DPP6: variants seen among roughly 807,000 people sequenced by gnomAD.
DPP6 encodes A-type potassium channel modulatory protein DPP6.
Under a neutral mutation model 122.6 loss-of-function variants are expected in DPP6, and 69 were observed. The observed-to-expected ratio is 0.56, with a 90% CI of 0.46 to 0.69. The LOEUF (loss-of-function observed/expected upper bound fraction) is 0.69, where lower values mean the gene tolerates loss of function less well. Among genes scored for constraint, DPP6 ranks in the 30% least tolerant of loss-of-function variants. The pLI is 0.00. For missense variants in DPP6, 928 were observed against 1,116.9 expected (o/e 0.83, Z 2.41); for synonymous variants, 418 against 433.1 (o/e 0.97, Z 0.43).
chr7:154,445,250 C>A (rs7782647), intron 1 of DPP6, among the ~76,000 whole-genome samples: 2 of 152,024 alleles, frequency 1.3e-5, no homozygotes, highest in Non-Finnish European at 2.9e-5. Flanking sequence ...CCAGACTATA[C>A]ATGGACAGAA....
chr7:153,760,223 C>T, the DPP6 span, among the ~76,000 whole-genome samples: 6 of 152,148 alleles, frequency 3.9e-5, no homozygotes, highest in East Asian at 3.9e-4. Context: ...TTTTGTTGTG[C>T]GCAGTATCCA....
chr7:153,808,952 AT>A, the DPP6 span, among the ~76,000 whole-genome samples: 1 of 151,896 alleles, frequency 6.6e-6, no homozygotes, highest in South Asian at 2.1e-4. Context: ...TTTGATTTTT[AT>A]TTTTTTGTGG....
chr7:153,944,662 G>A (rs1378559335), intron 1 of DPP6, among the ~76,000 whole-genome samples: 213 of 79,098 alleles, frequency 2.7e-3, no homozygotes, highest in African/African-American at 0.01. Context: ...ATTTTTGTGT[G>A]GGTTTTTTTT....
At chr7:153,885,677 C>T (rs775780802), upstream of DPP6, among the ~76,000 whole-genome samples, 1 of 152,150 alleles carries the variant, frequency 6.6e-6, no homozygotes, top group African/African-American at 2.4e-5. Context: ...CAAATCCCAA[C>T]AGAGAAGAGT....
At chr7:154,199,395 T>C (rs780839723) in intron 1 of DPP6, among the ~76,000 whole-genome samples, 4 of 152,202 alleles carry the variant, frequency 2.6e-5, no homozygotes, top group African/African-American at 9.6e-5. Flanking sequence ...GTTTCCACTA[T>C]TCCCTAGTAA....
intron 8 of DPP6, among the ~76,000 whole-genome samples, chr7:154,752,796 G>C (rs1367342485): frequency 6.6e-6 from 1 of 152,210 alleles, no homozygotes; most frequent in Non-Finnish European, 1.5e-5. Flanking sequence ...AAGGTTCTGG[G>C]GGTGAGCTGC....
chr7:154,502,109 A>T (rs1323420647), intron 3 of DPP6, among the ~76,000 whole-genome samples: 4 of 152,082 alleles, frequency 2.6e-5, no homozygotes, highest in African/African-American at 9.7e-5. Context: ...CCAATTTCTC[A>T]CATTTGGAAT....
chr7:154,892,669 C>T lies in DPP6; in HGVS notation c.*189C>T, dbSNP rs779340223. ...GCTCCTTCCCCGGGGTCATCACTCA[C>T]GGCCTCCATGGCACCAGGGACAACG... On this transcript the variant is annotated 3_prime_UTR_variant, in exon 26 of 26. Coordinates refer to ENST00000377770, the MANE Select transcript of DPP6 (RefSeq NM_130797.4). 1.4e-5 allele frequency: 17 copies of T among 1,215,978 alleles called. No individual in the cohort carries two copies. Among genetic ancestry groups the T allele is most frequent in the South Asian group, 3.7e-5 (3 of 80,156 alleles). 75.3% of individuals were successfully genotyped at this position (1,215,978 alleles called of 1,614,324 possible).
At chr7:154,147,344 A>G (rs1218180231) in intron 1 of DPP6, among the ~76,000 whole-genome samples, 5,600 of 143,244 alleles carry the variant, frequency 0.039, no homozygotes, top group African/African-American at 0.15. Context: ...ATGCATAAAC[A>G]TAAGAATAAA....
chr7:154,444,838 T>C (rs1051276655), intron 1 of DPP6, among the ~76,000 whole-genome samples: 2 of 152,244 alleles, frequency 1.3e-5, no homozygotes, highest in Admixed American at 6.5e-5. Flanking sequence ...GGAAATGAGA[T>C]TGAATCAGTG....
chr7:154,123,058 A>C (rs1161845819), intron 1 of DPP6, among the ~76,000 whole-genome samples: 2 of 152,188 alleles, frequency 1.3e-5, no homozygotes, highest in African/African-American at 4.8e-5. Flanking sequence ...AAAGGGTCGG[A>C]CACCTGGACT....
intron 16 of DPP6, among the ~76,000 whole-genome samples, chr7:154,836,420 C>A (rs749258785): frequency 6.6e-6 from 1 of 152,176 alleles, no homozygotes; most frequent in Admixed American, 6.5e-5. Flanking sequence ...TTTTTGAGAT[C>A]GAACAGCTGT....
chr7:154,727,199 G>C (rs1842107072), intron 7 of DPP6, among the ~76,000 whole-genome samples: 1 of 152,158 alleles, frequency 6.6e-6, no homozygotes, highest in African/African-American at 2.4e-5. Context: ...GATTCTGCAG[G>C]CTACATAGAA....
chr7:154,423,567 A>G (rs2151234233), intron 1 of DPP6, among the ~76,000 whole-genome samples: 1 of 152,306 alleles, frequency 6.6e-6, no homozygotes, highest in East Asian at 1.9e-4. Flanking sequence ...GGCCTAGTTA[A>G]AAAAGGATTC....
At chr7:153,811,493 C>T in the DPP6 span, among the ~76,000 whole-genome samples, 1 of 152,194 alleles carries the variant, frequency 6.6e-6, no homozygotes, top group Non-Finnish European at 1.5e-5. Context: ...TTGAGTCGTC[C>T]ACTTCATGAT....
At chr7:154,724,248 G>A (rs1841958091) in intron 7 of DPP6, among the ~76,000 whole-genome samples, 1 of 152,098 alleles carries the variant, frequency 6.6e-6, no homozygotes, top group Non-Finnish European at 1.5e-5. Context: ...CCAGAGAGGG[G>A]GCGACTTGCC....
intron 1 of DPP6, among the ~76,000 whole-genome samples, chr7:154,365,635 G>A (rs1489759793): frequency 6.6e-6 from 1 of 152,212 alleles, no homozygotes; most frequent in Non-Finnish European, 1.5e-5. Flanking sequence ...TGGTCTTGCG[G>A]TTCACATTCA....
intron 1 of DPP6, among the ~76,000 whole-genome samples, chr7:153,959,994 T>G (rs1293361428): frequency 6.6e-6 from 1 of 152,224 alleles, no homozygotes; most frequent in Non-Finnish European, 1.5e-5. Flanking sequence ...TTGAAGCTAT[T>G]GTTGGTTGAT....
At chr7:153,974,820 CTG>C (rs1287948427) in intron 1 of DPP6, among the ~76,000 whole-genome samples, 3 of 152,188 alleles carry the variant, frequency 2.0e-5, no homozygotes, top group Non-Finnish European at 4.4e-5. Context: ...TGCACAATCT[CTG>C]TGCCCAGTTC....
Sources: gnomAD v4.1 joint callset for allele counts (sites outside exome capture counted in the v4.1 genomes callset) on GRCh38, gnomAD v4.1.1 for gene constraint, MANE v1.5 for transcripts, NCBI Gene and HGNC (gene_info 2026-07-23, HGNC 2026-07-21) for gene names.